PCDH15: variants seen among roughly 807,000 people sequenced by gnomAD.
The protein encoded by PCDH15 is protocadherin related 15, also known as protocadherin-15.
In PCDH15, 129 loss-of-function variants were observed where a neutral mutation model predicts 178.5. That is an observed-to-expected ratio of 0.72 (90% CI 0.63 to 0.84). PCDH15 has a LOEUF of 0.84. Ranked by LOEUF, PCDH15 falls within the 40% of genes least tolerant of loss-of-function variation. PCDH15 has a pLI of 0.00. For missense variants in PCDH15, 2,230 were observed against 2,099.9 expected (o/e 1.06, Z -1.21); for synonymous variants, 800 against 732.0 (o/e 1.09, Z -1.50).
intron 1 of PCDH15, among the ~76,000 whole-genome samples, chr10:55,182,165 G>C (rs1438396277): frequency 3.9e-5 from 6 of 151,934 alleles, no homozygotes; most frequent in Non-Finnish European, 8.8e-5. Context: ...GCAGGCTTCA[G>C]GGAGGTATAT....
At chr10:55,350,694 CT>C (rs1435880043) in intron 2 of PCDH15, among the ~76,000 whole-genome samples, 1 of 152,062 alleles carries the variant, frequency 6.6e-6, no homozygotes, top group African/African-American at 2.4e-5. Context: ...AGGATTTTCA[CT>C]GATAATTTTT....
At chr10:55,363,636 T>C (rs1319838957) in intron 2 of PCDH15, among the ~76,000 whole-genome samples, 2 of 152,116 alleles carry the variant, frequency 1.3e-5, no homozygotes, top group Non-Finnish European at 2.9e-5. Context: ...TTTTTCTTTT[T>C]TTGGTTGGGA....
At chr10:54,904,817 C>G (rs1291150464) in intron 2 of PCDH15, among the ~76,000 whole-genome samples, 1 of 151,526 alleles carries the variant, frequency 6.6e-6, no homozygotes, top group Non-Finnish European at 1.5e-5. Context: ...ATTTGAGGTA[C>G]CACAGCTCAC....
At chr10:55,054,244 T>A (rs932508208) in intron 2 of PCDH15, among the ~76,000 whole-genome samples, 1 of 152,190 alleles carries the variant, frequency 6.6e-6, no homozygotes, top group Admixed American at 6.5e-5. Flanking sequence ...GTTTTCATCA[T>A]TTAGCTCTCA....
chr10:54,932,165 G>A (rs375559769), intron 2 of PCDH15, among the ~76,000 whole-genome samples: 49 of 152,228 alleles, frequency 3.2e-4, no homozygotes, highest in Admixed American at 1.9e-3. Context: ...ATAGGCTCAC[G>A]CAGGTCCTTC....
chr10:54,289,941 G>A (rs1349483785), intron 8 of PCDH15, among the ~76,000 whole-genome samples: 10 of 152,146 alleles, frequency 6.6e-5, no homozygotes, highest in Non-Finnish European at 1.2e-4. Context: ...TGAAAGTGAT[G>A]GGGAGAATGG....
chr10:54,677,894 G>A (rs781161262), intron 1 of PCDH15, among the ~76,000 whole-genome samples: 4 of 152,216 alleles, frequency 2.6e-5, no homozygotes, highest in Admixed American at 6.5e-5. Flanking sequence ...CTCTCCATAC[G>A]CATTTAGGAC....
At chr10:55,049,961 T>A (rs1042094283) in intron 2 of PCDH15, among the ~76,000 whole-genome samples, 1 of 152,032 alleles carries the variant, frequency 6.6e-6, no homozygotes, top group African/African-American at 2.4e-5. Flanking sequence ...AATTGGAAAT[T>A]TCAATGGCCT....
chr10:53,850,635 G>A (rs969527309), intron 28 of PCDH15, among the ~76,000 whole-genome samples: 7 of 151,862 alleles, frequency 4.6e-5, no homozygotes, highest in Non-Finnish European at 7.4e-5. Flanking sequence ...TTTCTGGTTT[G>A]TATTTTATTT....
At chr10:55,522,698 A>G (rs757402116) in intron 2 of PCDH15, among the ~76,000 whole-genome samples, 7 of 151,862 alleles carry the variant, frequency 4.6e-5, no homozygotes, top group Middle Eastern at 6.8e-3. Context: ...CTTTCAGCCT[A>G]TGTGTGTCCT....
chr10:53,898,753 A>G (rs2082132433), intron 26 of PCDH15, among the ~76,000 whole-genome samples: 1 of 152,136 alleles, frequency 6.6e-6, no homozygotes, highest in Non-Finnish European at 1.5e-5. Context: ...GTGCAAACCA[A>G]TCATTTGCAA....
intron 2 of PCDH15, among the ~76,000 whole-genome samples, chr10:55,340,597 ATATCT>A (rs1198771992): frequency 1.3e-5 from 2 of 152,088 alleles, no homozygotes; most frequent in Non-Finnish European, 2.9e-5. Context: ...TGTACAACAA[ATATCT>A]TATTTTTAGT....
At chr10:55,609,427 G>C in intron 2 of PCDH15, among the ~76,000 whole-genome samples, 1 of 152,206 alleles carries the variant, frequency 6.6e-6, no homozygotes, top group East Asian at 1.9e-4. Context: ...TGGTAATCAT[G>C]TGATGTCAAA....
At chr10:54,224,105 A>G (rs2053181117) in intron 9 of PCDH15, among the ~76,000 whole-genome samples, 1 of 152,172 alleles carries the variant, frequency 6.6e-6, no homozygotes, top group Non-Finnish European at 1.5e-5. Flanking sequence ...AAGCTGATTA[A>G]CACAGAAATA....
At chr10:54,621,730 T>C (rs1198349333) in intron 2 of PCDH15, among the ~76,000 whole-genome samples, 1 of 152,010 alleles carries the variant, frequency 6.6e-6, no homozygotes, top group Non-Finnish European at 1.5e-5. Flanking sequence ...AATCTCATCC[T>C]CCTTTAGCTA....
At chr10:54,662,261 A>G (rs553553771) in intron 2 of PCDH15, among the ~76,000 whole-genome samples, 29 of 152,150 alleles carry the variant, frequency 1.9e-4, no homozygotes, top group African/African-American at 7.0e-4. Context: ...ACACTTCCCA[A>G]AAGAAGAAAT....
rs531087237 is a variant in PCDH15, at chr10:54,249,301, CTAA to C, written c.877-12373_877-12371del. Among the ~76,000 whole-genome samples, 359 of 152,180 alleles carry C rather than the reference CTAA, an allele frequency of 2.4e-3. 1 individual carries two copies. The highest frequency in any genetic ancestry group is 8.4e-3 in the African/African-American group (349 of 41,562). ...TTTTTGCAATAGCTTTCCAAACCCA[CTAA>C]TGTCATAATTTATAAAATGATATAT... On this transcript the variant is annotated intron_variant, in intron 8 of 37. Coordinates refer to ENST00000644397, the MANE Select transcript of PCDH15 (RefSeq NM_001384140.1).
At chr10:54,820,740 C>A (rs928592417) in intron 3 of PCDH15, among the ~76,000 whole-genome samples, 4 of 151,962 alleles carry the variant, frequency 2.6e-5, no homozygotes, top group Non-Finnish European at 5.9e-5. Flanking sequence ...GTAACTTACA[C>A]TATTTTAAGA....
At chr10:55,417,353 G>T (rs1189116189) in intron 2 of PCDH15, among the ~76,000 whole-genome samples, 1 of 151,416 alleles carries the variant, frequency 6.6e-6, no homozygotes, top group Non-Finnish European at 1.5e-5. Flanking sequence ...GAATTCTTTG[G>T]GACTGAAGGT....
Sources: gnomAD v4.1 joint callset for allele counts (sites outside exome capture counted in the v4.1 genomes callset) on GRCh38, gnomAD v4.1.1 for gene constraint, MANE v1.5 for transcripts, NCBI Gene and HGNC (gene_info 2026-07-23, HGNC 2026-07-21) for gene names.